Variants in HCN1 observed in about 807,000 individuals in gnomAD.
HCN1 encodes hyperpolarization activated cyclic nucleotide gated potassium channel 1.
In HCN1, 13 loss-of-function variants were observed where a neutral mutation model predicts 78.9. The observed-to-expected ratio is 0.16, with a 90% CI of 0.11 to 0.26. The LOEUF (loss-of-function observed/expected upper bound fraction) is 0.26, where lower values mean the gene tolerates loss of function less well. HCN1 is among the 10% of genes least tolerant of loss of function. HCN1 has a pLI of 1.00. For missense variants in HCN1, 810 were observed against 1,154.3 expected (o/e 0.70, Z 4.32); for synonymous variants, 552 against 455.5 (o/e 1.21, Z -2.70).
intron 4 of HCN1, among the ~76,000 whole-genome samples, chr5:45,382,656 C>T (rs1747833127): frequency 6.6e-6 from 1 of 152,082 alleles, no homozygotes; most frequent in Non-Finnish European, 1.5e-5. Flanking sequence ...TTTGGAAATA[C>T]TTTGGTGTCT....
intron 1 of HCN1, among the ~76,000 whole-genome samples, chr5:45,684,869 AAATAAAC>A (rs1221619565): frequency 2.0e-5 from 3 of 152,332 alleles, no homozygotes; most frequent in Non-Finnish European, 4.4e-5. Context: ...CTCAAAAAAC[AAATAAAC>A]AAAAAACTAA....
At chr5:45,608,352 G>GGTGGGT (rs1554035532) in intron 2 of HCN1, among the ~76,000 whole-genome samples, 1 of 111,190 alleles carries the variant, frequency 9.0e-6, no homozygotes, top group African/African-American at 3.4e-5. Context: ...GGGTAGGATG[G>GGTGGGT]GTGTATGTGT....
intron 4 of HCN1, among the ~76,000 whole-genome samples, chr5:45,357,040 T>C (rs1247572721): frequency 4.6e-5 from 7 of 152,078 alleles, no homozygotes; most frequent in African/African-American, 1.7e-4. Context: ...TATTATTTTT[T>C]TTCTAGCCTC....
intron 4 of HCN1, among the ~76,000 whole-genome samples, chr5:45,383,445 C>T (rs1282707428): frequency 6.6e-6 from 1 of 152,096 alleles, no homozygotes. Flanking sequence ...CCTGTAATCC[C>T]AGAATTTTGG....
intron 1 of HCN1, among the ~76,000 whole-genome samples, chr5:45,693,924 G>T (rs1340608931): frequency 6.6e-6 from 1 of 151,962 alleles, no homozygotes; most frequent in African/African-American, 2.4e-5. Context: ...ATTTATTTTT[G>T]CTATTAAGAC....
chr5:45,347,843 C>T lies in HCN1; in HGVS notation c.1377+5257G>A, dbSNP rs554759510. ...AAGAAGAAAAGGAAACAAACAAAGC[C>T]TCCAAGAAATATGGGATTATATGAA... On this transcript the variant is annotated intron_variant, in intron 5 of 7. Coordinates refer to ENST00000303230, the MANE Select transcript of HCN1 (RefSeq NM_021072.4). Among the ~76,000 whole-genome samples the T allele has an allele frequency of 1.2e-4, 18 of 152,268 alleles. No individual in the cohort carries two copies. In the South Asian group the frequency reaches 3.7e-3, roughly 32 times the overall value.
At chr5:45,366,678 A>G (rs1315823777) in intron 4 of HCN1, among the ~76,000 whole-genome samples, 1 of 151,836 alleles carries the variant, frequency 6.6e-6, no homozygotes, top group Non-Finnish European at 1.5e-5. Flanking sequence ...AATCTGAAGA[A>G]TAATTTTTAA....
chr5:45,516,005 T>C (rs1268788689), intron 2 of HCN1, among the ~76,000 whole-genome samples: 1 of 152,026 alleles, frequency 6.6e-6, no homozygotes, highest in East Asian at 1.9e-4. Context: ...TTTTAATTCA[T>C]GATTCTAAAT....
intron 5 of HCN1, among the ~76,000 whole-genome samples, chr5:45,312,548 T>A (rs1198995044): frequency 1.3e-5 from 2 of 152,114 alleles, no homozygotes; most frequent in African/African-American, 2.4e-5. Context: ...CCACTGAGCA[T>A]GAACTGAAGC....
intron 5 of HCN1, among the ~76,000 whole-genome samples, chr5:45,333,476 G>C (rs533767709): frequency 3.3e-5 from 5 of 151,588 alleles, no homozygotes; most frequent in African/African-American, 1.2e-4. Context: ...ACGTCCAGAA[G>C]CTTTTTAACT....
intron 1 of HCN1, among the ~76,000 whole-genome samples, chr5:45,689,826 AC>A (rs1310576379): frequency 6.6e-6 from 1 of 152,042 alleles, no homozygotes; most frequent in African/African-American, 2.4e-5. Context: ...TTTAAAGATC[AC>A]TCTTGTCACT....
At chr5:45,456,957 C>G (rs1741040377) in intron 3 of HCN1, among the ~76,000 whole-genome samples, 1 of 151,938 alleles carries the variant, frequency 6.6e-6, no homozygotes, top group South Asian at 2.1e-4. Flanking sequence ...ACAACCTGCT[C>G]CAACTACAAA....
At chr5:45,325,290 C>A (rs1746214165) in intron 5 of HCN1, among the ~76,000 whole-genome samples, 1 of 151,728 alleles carries the variant, frequency 6.6e-6, no homozygotes, top group African/African-American at 2.4e-5. Flanking sequence ...AACTCAAAAT[C>A]TCTGTCATTA....
intron 2 of HCN1, among the ~76,000 whole-genome samples, chr5:45,640,556 G>A (rs1394470115): frequency 6.6e-6 from 1 of 151,708 alleles, no homozygotes; most frequent in Admixed American, 6.6e-5. Context: ...ATACCTTCTG[G>A]AAATGAGTTG....
At position 45,695,797 on chromosome 5, in the gene HCN1, G is replaced by A. The variant is rs749348408; in HGVS notation, c.297C>T (p.Thr99=). The A allele has an allele frequency of 1.2e-6, 2 of 1,611,062 alleles. No homozygotes were observed. The highest frequency in any genetic ancestry group is 1.1e-5 in the South Asian group (1 of 91,072). The part of the protein sequence containing the change: ...RQYGFMQRQF[T]SMLQPGVNKF... ...TGTTGACCCCGGGCTGCAGCATGGAGGTGAACTGCCTCTGCATGAAGCCGT... is the reference window on the plus strand; with the variant it reads ...TGTTGACCCCGGGCTGCAGCATGGAAGTGAACTGCCTCTGCATGAAGCCGT... Residue 99 remains threonine (T), a synonymous_variant, in exon 1 of 8, where the codon ACC becomes ACT. Coordinates refer to ENST00000303230, the MANE Select transcript of HCN1 (RefSeq NM_021072.4).
intron 3 of HCN1, among the ~76,000 whole-genome samples, chr5:45,410,823 G>C (rs551206811): frequency 6.6e-6 from 1 of 152,136 alleles, no homozygotes; most frequent in South Asian, 2.1e-4. Context: ...ATCCTATGTT[G>C]TGTATTCAGT....
Position 45,256,965 on chromosome 5 carries a change from G to A in HCN1, c.*4956C>T, listed in dbSNP as rs997474231. ...TCTTATCTTCTTGTACCCCTTCCCTGCCGCAATATATTATCTTACGCAAAG... is the reference window on the plus strand; with the variant it reads ...TCTTATCTTCTTGTACCCCTTCCCTACCGCAATATATTATCTTACGCAAAG... On this transcript the variant is annotated 3_prime_UTR_variant, in exon 8 of 8. Coordinates refer to ENST00000303230, the MANE Select transcript of HCN1 (RefSeq NM_021072.4). The A allele has an allele frequency of 1.3e-5, 2 of 152,018 alleles. No homozygotes were observed. Among genetic ancestry groups the A allele is most frequent in the Admixed American group, 6.6e-5 (1 of 15,258 alleles). 9.4% of individuals were successfully genotyped at this position (152,018 alleles called of 1,614,324 possible).
intron 3 of HCN1, among the ~76,000 whole-genome samples, chr5:45,441,902 G>T (rs1041030247): frequency 6.6e-6 from 1 of 152,080 alleles, no homozygotes; most frequent in Admixed American, 6.6e-5. Context: ...AACAAATTCT[G>T]CAAGGTTAAT....
intron 2 of HCN1, among the ~76,000 whole-genome samples, chr5:45,511,878 T>C (rs1579941047): frequency 6.6e-6 from 1 of 152,060 alleles, no homozygotes; most frequent in East Asian, 1.9e-4. Flanking sequence ...TGTTAATAAA[T>C]AGAAGAAACT....
Sources: gnomAD v4.1 joint callset for allele counts (sites outside exome capture counted in the v4.1 genomes callset) on GRCh38, gnomAD v4.1.1 for gene constraint, MANE v1.5 for transcripts, NCBI Gene and HGNC (gene_info 2026-07-23, HGNC 2026-07-21) for gene names.